The following RMDN2 variants were observed in gnomAD, a reference collection of about 807,000 sequenced individuals.
RMDN2 encodes regulator of microtubule dynamics 2.
A neutral mutation model predicts 52.8 loss-of-function variants in RMDN2; 61 were observed. That is an observed-to-expected ratio of 1.16 (90% confidence interval 0.94 to 1.43). RMDN2 has a LOEUF of 1.43. RMDN2 is among the 40% of genes most tolerant of loss of function. RMDN2 has a pLI of 0.00. For synonymous variants in RMDN2, 180 were observed against 153.1 expected (o/e 1.18, Z -1.30); for missense variants, 592 against 475.3 (o/e 1.25, Z -2.28).
intron 10 of RMDN2, among the ~76,000 whole-genome samples, chr2:38,041,185 A>T (rs978037216): frequency 6.6e-6 from 1 of 152,142 alleles, no homozygotes; most frequent in East Asian, 1.9e-4. Flanking sequence ...AGGCCTTGCT[A>T]TAAGAATTAA....
chr2:37,980,360 A>G (rs1316283618), intron 4 of RMDN2, among the ~76,000 whole-genome samples: 4 of 151,980 alleles, frequency 2.6e-5, no homozygotes, highest in Non-Finnish European at 5.9e-5. Flanking sequence ...CTGGAGTGCA[A>G]TGGCGCAATC....
rs146955871 is a variant in RMDN2 at position 37,968,188 on chromosome 2, C to T, written c.453-5852C>T. On this transcript the variant is annotated intron_variant, in intron 2 of 10. Transcript: ENST00000354545. ...AAGCATGGTGGCTCATGCCTGTAAT[C>T]CCAGCACTTTGGGAGGACGAGGTGG... Among the ~76,000 whole-genome samples, 1,023 of 152,178 alleles carry T rather than the reference C, an allele frequency of 6.7e-3. 6 individuals carry two copies. The highest frequency in any genetic ancestry group is 0.023 in the African/African-American group (967 of 41,536).
intron 2 of RMDN2, among the ~76,000 whole-genome samples, chr2:37,969,744 G>T (rs558717733): frequency 1.3e-4 from 20 of 152,030 alleles, no homozygotes; most frequent in South Asian, 1.3e-3. Flanking sequence ...TTCTATTCTT[G>T]ATTTTGAAGA....
intron 2 of RMDN2, among the ~76,000 whole-genome samples, chr2:37,958,113 G>T (rs1022350303): frequency 2.6e-5 from 4 of 152,178 alleles, no homozygotes; most frequent in Non-Finnish European, 5.9e-5. Context: ...GTTTAGGATT[G>T]TCTTGACTAT....
At position 37,975,286 on chromosome 2, in the gene RMDN2, A is replaced by T; in HGVS notation, c.702A>T (p.Thr234=). The T allele has an allele frequency of 1.9e-6, 3 of 1,603,440 alleles. No individual in the cohort carries two copies. The South Asian group carries it at 3.3e-5, about 18-fold the overall frequency. ...ACATGTATGAACTATCTACAAACAC[A>T]CAAGAAAAGAAACATTATGCTAATA... ...YGDMYELSTN[T]QEKKHYANIG... Residue 234 remains threonine (T), a synonymous_variant, in exon 4 of 11, where the codon ACA becomes ACT. Transcript: ENST00000354545.
At chr2:38,037,206 A>G (rs1253584126) in intron 10 of RMDN2, among the ~76,000 whole-genome samples, 1 of 152,208 alleles carries the variant, frequency 6.6e-6, no homozygotes, top group African/African-American at 2.4e-5. Context: ...TTTCTATGCA[A>G]GATTTTGTAA....
At chr2:38,048,886 G>T (rs1681429006) in intron 10 of RMDN2, among the ~76,000 whole-genome samples, 1 of 152,198 alleles carries the variant, frequency 6.6e-6, no homozygotes, top group African/African-American at 2.4e-5. Context: ...TTGCACAAAA[G>T]ATTTTAAATA....
At chr2:38,011,633 C>T (rs1261095001) in intron 10 of RMDN2, among the ~76,000 whole-genome samples, 3 of 151,996 alleles carry the variant, frequency 2.0e-5, no homozygotes, top group Non-Finnish European at 4.4e-5. Context: ...AACTATAGCT[C>T]GAAGCAGAAA....
chr2:37,970,752 G>A (rs1671702764), intron 2 of RMDN2, among the ~76,000 whole-genome samples: 1 of 152,054 alleles, frequency 6.6e-6, no homozygotes, highest in African/African-American at 2.4e-5. Flanking sequence ...CAACATTTGA[G>A]TTTTTGTTCT....
chr2:38,043,807 A>G (rs186654113), intron 10 of RMDN2, among the ~76,000 whole-genome samples: 178 of 152,082 alleles, frequency 1.2e-3, no homozygotes, highest in Admixed American at 3.7e-3. Context: ...CCTTTTTAAC[A>G]TTGCTGTCAT....
At chr2:38,017,099 C>G in intron 10 of RMDN2, 87 bp from the exon 11 acceptor site, 1 of 745,082 alleles carries the variant, frequency 1.3e-6, no homozygotes, top group Non-Finnish European at 2.0e-6. Context: ...GGGGAATCTC[C>G]TCAAGTCAGT....
chr2:38,018,573 C>T (rs4670230), downstream of RMDN2, among the ~76,000 whole-genome samples: 42,042 of 151,926 alleles, frequency 0.28, 6,256 homozygotes, highest in East Asian at 0.53. Context: ...TTATAGGCAA[C>T]GGCACAGAAC....
chr2:37,981,321 A>T lies in RMDN2; in HGVS notation c.769A>T (p.Met257Leu), dbSNP rs1558506492. The T allele has an allele frequency of 1.2e-6, 2 of 1,607,088 alleles. No homozygotes were observed. The highest frequency in any genetic ancestry group is 2.2e-5 in the South Asian group (2 of 90,938). ...LSERAINRAP[M>L]NGHCHLWYAV... Reference sequence around the variant, plus strand: ...TGAAAGAGCTATTAATAGAGCACCCATGAATGGACATTGTCATCTGTGGTA... The same window carrying T: ...TGAAAGAGCTATTAATAGAGCACCCTTGAATGGACATTGTCATCTGTGGTA... Residue 257 changes from methionine (M) to leucine (L), a missense_variant, in exon 5 of 11, where the codon ATG (methionine) becomes TTG (leucine). By Grantham distance (15) the Met-to-Leu change is conservative. Coordinates refer to ENST00000354545, the MANE Select transcript of RMDN2 (RefSeq NM_001170791.3).
At chr2:37,938,486 T>C (rs537700221) in intron 2 of RMDN2, among the ~76,000 whole-genome samples, 4 of 152,344 alleles carry the variant, frequency 2.6e-5, no homozygotes, top group African/African-American at 7.2e-5. Context: ...CTCCACTTTG[T>C]ACCTCTGGTA....
At chr2:38,054,977 A>G (rs1393637309) in intron 10 of RMDN2, among the ~76,000 whole-genome samples, 2 of 152,246 alleles carry the variant, frequency 1.3e-5, no homozygotes, top group Non-Finnish European at 2.9e-5. Context: ...AAACTAATAA[A>G]ACACATTCAG....
chr2:37,946,851 A>T (rs1275215981), intron 2 of RMDN2, among the ~76,000 whole-genome samples: 1 of 152,138 alleles, frequency 6.6e-6, no homozygotes, highest in Non-Finnish European at 1.5e-5. Context: ...TATAGAGAAG[A>T]AAGCAAATTA....
chr2:37,968,060 A>G lies in RMDN2; in HGVS notation c.453-5980A>G, dbSNP rs186085849. On this transcript the variant is annotated intron_variant, in intron 2 of 10. Coordinates refer to ENST00000354545, the MANE Select transcript of RMDN2 (RefSeq NM_001170791.3). ...CCCCTCATACTTACCAAAGCTCTAG[A>G]TGACATAAAATTTCAGGACATGTTG... Among the ~76,000 whole-genome samples, 146 of 152,238 alleles carry G rather than the reference A, an allele frequency of 9.6e-4. 1 individual carries two copies. The highest frequency in any genetic ancestry group is 3.4e-3 in the Middle Eastern group (1 of 294).
At chr2:38,024,956 G>T (rs922893118) in intron 10 of RMDN2, among the ~76,000 whole-genome samples, 2 of 152,070 alleles carry the variant, frequency 1.3e-5, no homozygotes, top group East Asian at 1.9e-4. Context: ...TTGAAACCAG[G>T]TAGTGTTACT....
chr2:37,968,029 T>G (rs1671295591), intron 2 of RMDN2, among the ~76,000 whole-genome samples: 1 of 152,254 alleles, frequency 6.6e-6, no homozygotes, highest in Admixed American at 6.5e-5. Flanking sequence ...GTGAACTTTT[T>G]GAAGTCCCCT....
Sources: gnomAD v4.1 joint callset for allele counts (sites outside exome capture counted in the v4.1 genomes callset) on GRCh38, gnomAD v4.1.1 for gene constraint, MANE v1.5 for transcripts, NCBI Gene and HGNC (gene_info 2026-07-23, HGNC 2026-07-21) for gene names.